Variants in EGFLAM observed in about 807,000 individuals in gnomAD.
EGFLAM encodes the protein EGF like, fibronectin type III and laminin G domains.
A neutral mutation model predicts 113.1 loss-of-function variants in EGFLAM; 79 were observed. That is an observed-to-expected ratio of 0.70 (90% CI 0.58 to 0.84). The LOEUF (loss-of-function observed/expected upper bound fraction) is 0.84, where lower values mean the gene tolerates loss of function less well. Among genes scored for constraint, EGFLAM ranks in the 40% least tolerant of loss-of-function variants. The probability of loss-of-function intolerance (pLI) is 0.00; values close to 1 mark genes in which losing one functional copy is unlikely to be tolerated. For missense variants in EGFLAM, 1,265 were observed against 1,291.6 expected (o/e 0.98, Z 0.32); for synonymous variants, 504 against 487.6 (o/e 1.03, Z -0.44).
intron 1 of EGFLAM, among the ~76,000 whole-genome samples, chr5:38,337,282 C>T (rs1187592774): frequency 3.9e-5 from 6 of 152,216 alleles, no homozygotes; most frequent in East Asian, 1.9e-4. Context: ...AGAAGTTACC[C>T]GAGAGAATAA....
chr5:38,389,551 T>G (rs1297688762), intron 6 of EGFLAM, among the ~76,000 whole-genome samples: 2 of 152,190 alleles, frequency 1.3e-5, no homozygotes, highest in Admixed American at 6.5e-5. Context: ...AGTTTTTTCT[T>G]TATACTATAA....
intron 5 of EGFLAM, among the ~76,000 whole-genome samples, chr5:38,353,278 A>G (rs1335258091): frequency 2.0e-5 from 3 of 152,250 alleles, no homozygotes; most frequent in Non-Finnish European, 4.4e-5. Context: ...TTCCCAATCT[A>G]AGATATTTCC....
At chr5:38,430,390 T>C (rs1163584188) in intron 14 of EGFLAM, among the ~76,000 whole-genome samples, 1 of 152,226 alleles carries the variant, frequency 6.6e-6, no homozygotes, top group Non-Finnish European at 1.5e-5. Flanking sequence ...CATTTCAGGC[T>C]CATTGTAAGG....
At chr5:38,356,862 A>G (rs568064985) in intron 5 of EGFLAM, among the ~76,000 whole-genome samples, 27 of 152,278 alleles carry the variant, frequency 1.8e-4, no homozygotes, top group African/African-American at 5.5e-4. Context: ...TGTGCTACGT[A>G]TGGTCTCAAT....
At chr5:38,461,548 G>A (rs1200559434) in intron 20 of EGFLAM, among the ~76,000 whole-genome samples, 1 of 152,034 alleles carries the variant, frequency 6.6e-6, no homozygotes, top group African/African-American at 2.4e-5. Context: ...AGCAAGGCAA[G>A]CTGTTGCGGG....
intron 3 of EGFLAM, among the ~76,000 whole-genome samples, chr5:38,349,790 CA>C (rs1739568647): frequency 6.6e-6 from 1 of 151,548 alleles, no homozygotes; most frequent in Non-Finnish European, 1.5e-5. Flanking sequence ...CACACACACA[CA>C]CACACACACA....
intron 6 of EGFLAM, among the ~76,000 whole-genome samples, chr5:38,399,641 G>A (rs1028048656): frequency 6.6e-6 from 1 of 152,114 alleles, no homozygotes; most frequent in Admixed American, 6.5e-5. Flanking sequence ...CTTCCACTTA[G>A]CAGCCAAGTC....
At chr5:38,288,731 CA>C (rs1477517108) in intron 1 of EGFLAM, among the ~76,000 whole-genome samples, 2 of 152,146 alleles carry the variant, frequency 1.3e-5, no homozygotes, top group Non-Finnish European at 2.9e-5. Flanking sequence ...AAGGAGATAA[CA>C]AATATTTGTT....
chr5:38,391,073 C>A (rs1175476108), intron 6 of EGFLAM, among the ~76,000 whole-genome samples: 14 of 151,956 alleles, frequency 9.2e-5, no homozygotes, highest in Admixed American at 9.2e-4. Context: ...TTTCCAAGGT[C>A]ATTAGGCAAT....
chr5:38,363,291 ATC>A (rs906501390), intron 5 of EGFLAM, among the ~76,000 whole-genome samples: 28 of 152,166 alleles, frequency 1.8e-4, no homozygotes, highest in African/African-American at 6.5e-4. Context: ...ATGGGATCAC[ATC>A]TCTTCTCTTA....
intron 14 of EGFLAM, among the ~76,000 whole-genome samples, chr5:38,428,790 C>T (rs1742096573): frequency 1.3e-5 from 2 of 152,160 alleles, no homozygotes; most frequent in Admixed American, 1.3e-4. Flanking sequence ...ATTTTTGACA[C>T]GAGGTGCTTT....
At chr5:38,441,761 C>T (rs1263220097) in intron 17 of EGFLAM, among the ~76,000 whole-genome samples, 1 of 152,174 alleles carries the variant, frequency 6.6e-6, no homozygotes, top group Non-Finnish European at 1.5e-5. Context: ...GAGGTGAGTA[C>T]AGGACACAGA....
At chr5:38,379,770 A>T (rs1054437017) in intron 6 of EGFLAM, among the ~76,000 whole-genome samples, 1 of 151,934 alleles carries the variant, frequency 6.6e-6, no homozygotes, top group South Asian at 2.1e-4. Flanking sequence ...ACAAGCTCTG[A>T]TAACAATAAA....
chr5:38,391,212 C>G (rs1415337808), intron 6 of EGFLAM, among the ~76,000 whole-genome samples: 1 of 152,066 alleles, frequency 6.6e-6, no homozygotes, highest in Non-Finnish European at 1.5e-5. Context: ...TAACCAGTTT[C>G]CCCAGCACCA....
At chr5:38,409,609 T>A (rs1741408448) in intron 10 of EGFLAM, among the ~76,000 whole-genome samples, 1 of 152,132 alleles carries the variant, frequency 6.6e-6, no homozygotes, top group Non-Finnish European at 1.5e-5. Context: ...GGATGCAGAG[T>A]GAGCCAAAGG....
intron 19 of EGFLAM, chr5:38,451,722 G>A (rs1374073178): frequency 2.4e-6 from 1 of 412,416 alleles, no homozygotes; most frequent in Non-Finnish European, 4.3e-6. Flanking sequence ...CGGGCACAGT[G>A]GCTCACGCCT....
Position 38,258,642 on chromosome 5 carries a change from C to A in EGFLAM, c.-113C>A. 1 of 1,253,088 alleles carries A rather than the reference C, an allele frequency of 8.0e-7. No homozygotes were observed. Among genetic ancestry groups the A allele is most frequent in the Non-Finnish European group, 1.1e-6 (1 of 879,114 alleles). 77.6% of individuals were successfully genotyped at this position (1,253,088 alleles called of 1,614,324 possible). ...GGGCCCAGCCCTCGCAGCCCCCCAC[C>A]TCCTCGCCCCGGCCCGGGGATCCGT... On this transcript the variant is annotated 5_prime_UTR_variant, in exon 1 of 22. Transcript: ENST00000322350.
intron 18 of EGFLAM, among the ~76,000 whole-genome samples, chr5:38,449,063 C>G (rs1413344836): frequency 6.6e-6 from 1 of 152,184 alleles, no homozygotes; most frequent in African/African-American, 2.4e-5. Flanking sequence ...ATCCTCAACT[C>G]GGTCAAGCTT....
chr5:38,423,892 G>C (rs1375380640), intron 12 of EGFLAM, among the ~76,000 whole-genome samples: 1 of 152,182 alleles, frequency 6.6e-6, no homozygotes, highest in African/African-American at 2.4e-5. Context: ...TTTATGAAAA[G>C]ACTGGACCAA....
Sources: gnomAD v4.1 joint callset for allele counts (sites outside exome capture counted in the v4.1 genomes callset) on GRCh38, gnomAD v4.1.1 for gene constraint, MANE v1.5 for transcripts, NCBI Gene and HGNC (gene_info 2026-07-23, HGNC 2026-07-21) for gene names.